Variants in SEMA3A observed in about 807,000 individuals in gnomAD.
SEMA3A encodes semaphorin 3A.
Under a neutral mutation model 97.9 loss-of-function variants are expected in SEMA3A, and 29 were observed. The ratio of observed to expected loss-of-function variants is 0.30; its 90% CI spans 0.22 to 0.40. The LOEUF (loss-of-function observed/expected upper bound fraction) is 0.40. Ranked by LOEUF, SEMA3A falls within the 10% of genes least tolerant of loss-of-function variation. The pLI is 1.00. For synonymous variants in SEMA3A, 321 were observed against 323.7 expected, an observed-to-expected ratio of 0.99 and a Z score of 0.09; for missense variants, 763 against 951.3, an observed-to-expected ratio of 0.80 and a Z score of 2.60.
At chr7:84,113,118 T>C (rs1219435079) in intron 3 of SEMA3A, among the ~76,000 whole-genome samples, 2 of 152,198 alleles carry the variant, frequency 1.3e-5, no homozygotes, top group Admixed American at 6.5e-5. Flanking sequence ...GCTTAGAGGA[T>C]ATAAAGATGC....
intron 6 of SEMA3A, among the ~76,000 whole-genome samples, chr7:84,043,526 A>G (rs1792224485): frequency 6.6e-6 from 1 of 152,098 alleles, no homozygotes; most frequent in Non-Finnish European, 1.5e-5. Context: ...TTTAAAAACT[A>G]CTTTGCAAAG....
chr7:84,371,546 A>G (rs1195459314), intron 2 of SEMA3A, among the ~76,000 whole-genome samples: 1 of 151,950 alleles, frequency 6.6e-6, no homozygotes, highest in African/African-American at 2.4e-5. Flanking sequence ...ATATTAAATC[A>G]TGGAACATAA....
intron 3 of SEMA3A, among the ~76,000 whole-genome samples, chr7:84,300,987 A>C (rs1801003335): frequency 6.6e-6 from 1 of 152,152 alleles, no homozygotes; most frequent in Admixed American, 6.5e-5. Context: ...CCATAGATTT[A>C]GAAATTAATA....
intron 3 of SEMA3A, among the ~76,000 whole-genome samples, chr7:84,229,084 G>A (rs774168629): frequency 1.6e-4 from 24 of 151,778 alleles, no homozygotes; most frequent in Non-Finnish European, 3.2e-4. Flanking sequence ...ACCAGCAGAG[G>A]CACTCACACT....
chr7:84,255,170 T>G (rs1799691671), intron 3 of SEMA3A, among the ~76,000 whole-genome samples: 1 of 152,162 alleles, frequency 6.6e-6, no homozygotes, highest in African/African-American at 2.4e-5. Context: ...AAGTTGAATT[T>G]ATCAAAAACA....
chr7:84,125,177 T>G (rs2116002703), intron 3 of SEMA3A, among the ~76,000 whole-genome samples: 1 of 152,268 alleles, frequency 6.6e-6, no homozygotes. Context: ...ATGTTACAAT[T>G]AATTAATTAA....
chr7:83,980,623 A>AAAAAAAAAAAAAAAAAATATATAT (rs1310318006), intron 14 of SEMA3A, among the ~76,000 whole-genome samples: 1 of 71,762 alleles, frequency 1.4e-5, no homozygotes, highest in Non-Finnish European at 2.4e-5. Context: ...AAAAAAAAAA[A>AAAAAAAAAAAAAAAAAATATATAT]ATATATATAT....
At chr7:84,323,529 G>C (rs1464144193) in intron 2 of SEMA3A, among the ~76,000 whole-genome samples, 2 of 151,946 alleles carry the variant, frequency 1.3e-5, no homozygotes, top group Non-Finnish European at 2.9e-5. Context: ...TCACAAGGGG[G>C]TACTTGCAAT....
At chr7:84,159,906 C>T (rs1202091860) in intron 1 of SEMA3A, among the ~76,000 whole-genome samples, 1 of 151,848 alleles carries the variant, frequency 6.6e-6, no homozygotes, top group Non-Finnish European at 1.5e-5. Flanking sequence ...TGTTAAAAAG[C>T]CAGAAAACAA....
chr7:84,035,245 T>C (rs1791899113), intron 6 of SEMA3A, among the ~76,000 whole-genome samples: 1 of 151,958 alleles, frequency 6.6e-6, no homozygotes, highest in Admixed American at 6.6e-5. Context: ...TTTATGTAAA[T>C]AGAAAGGCAA....
At chr7:84,158,475 C>T (rs1796923826) in intron 1 of SEMA3A, among the ~76,000 whole-genome samples, 2 of 151,988 alleles carry the variant, frequency 1.3e-5, no homozygotes, top group African/African-American at 4.8e-5. Context: ...TTATTGATGC[C>T]TTACTTGATG....
At chr7:84,257,116 G>A (rs904207388) in intron 3 of SEMA3A, among the ~76,000 whole-genome samples, 1 of 152,002 alleles carries the variant, frequency 6.6e-6, no homozygotes, top group Admixed American at 6.6e-5. Flanking sequence ...GGTAACAAGG[G>A]AATATTATTT....
At chr7:84,474,357 T>C (rs190343180) in intron 1 of SEMA3A, among the ~76,000 whole-genome samples, 4 of 152,330 alleles carry the variant, frequency 2.6e-5, no homozygotes, top group Admixed American at 6.5e-5. Context: ...GTTTCCCAGA[T>C]AGGAAAATTA....
chr7:84,423,624 T>A (rs1451830868), intron 1 of SEMA3A, among the ~76,000 whole-genome samples: 1 of 152,100 alleles, frequency 6.6e-6, no homozygotes, highest in East Asian at 1.9e-4. Flanking sequence ...CCTATATCTA[T>A]CTATATGTTC....
intron 7 of SEMA3A, among the ~76,000 whole-genome samples, 171 bp downstream of exon 7, chr7:84,014,038 G>A (rs2116420555): frequency 6.6e-6 from 1 of 152,244 alleles, no homozygotes. Context: ...TGACTGCGAA[G>A]AGTTACTCAT....
At chr7:84,298,242 C>A (rs999729817) in intron 3 of SEMA3A, among the ~76,000 whole-genome samples, 2 of 151,962 alleles carry the variant, frequency 1.3e-5, no homozygotes, top group Non-Finnish European at 2.9e-5. Context: ...TTAAATAAAC[C>A]TATGAAAATT....
At chr7:84,247,094 T>C (rs1020576714) in intron 3 of SEMA3A, among the ~76,000 whole-genome samples, 2 of 152,190 alleles carry the variant, frequency 1.3e-5, no homozygotes, top group African/African-American at 4.8e-5. Flanking sequence ...ATATAGAAAT[T>C]TGTGGCAGTA....
chr7:84,335,049 T>C (rs867228475), intron 2 of SEMA3A, among the ~76,000 whole-genome samples: 2 of 152,204 alleles, frequency 1.3e-5, no homozygotes, highest in African/African-American at 4.8e-5. Context: ...TGCTTTAATA[T>C]TTCCTTACTG....
intron 1 of SEMA3A, among the ~76,000 whole-genome samples, chr7:84,408,554 A>G (rs1315934260): frequency 6.6e-6 from 1 of 152,122 alleles, no homozygotes; most frequent in South Asian, 2.1e-4. Context: ...TATATACCCA[A>G]AGGATTATAA....
Sources: gnomAD v4.1 joint callset for allele counts (sites outside exome capture counted in the v4.1 genomes callset) on GRCh38, gnomAD v4.1.1 for gene constraint, MANE v1.5 for transcripts, NCBI Gene and HGNC (gene_info 2026-07-23, HGNC 2026-07-21) for gene names.